Variants in VGF observed in about 807,000 individuals in gnomAD.
The protein encoded by VGF is VGF nerve growth factor inducible, also known as neurosecretory protein VGF.
Under a neutral mutation model 41.1 loss-of-function variants are expected in VGF, and 13 were observed. That is an observed-to-expected ratio of 0.32 (90% CI 0.21 to 0.50). The LOEUF (loss-of-function observed/expected upper bound fraction) is 0.50. Among genes scored for constraint, VGF ranks in the 20% least tolerant of loss-of-function variants. The probability of loss-of-function intolerance (pLI) is 0.98; values close to 1 mark genes in which losing one functional copy is unlikely to be tolerated. For missense variants in VGF, 920 were observed against 882.1 expected (o/e 1.04, Z -0.54); for synonymous variants, 473 against 418.3 (o/e 1.13, Z -1.60).
rs1299789513 is a variant in VGF at position 101,165,514 on chromosome 7, G to A, written c.-161C>T. 5.1e-6 allele frequency: 5 copies of A among 985,362 alleles called. No individual in the cohort carries two copies. The highest frequency in any genetic ancestry group is 6.0e-6 in the Non-Finnish European group (5 of 829,976). 61.0% of individuals were successfully genotyped at this position (985,362 alleles called of 1,614,324 possible). On this transcript the variant is annotated 5_prime_UTR_variant, in exon 1 of 2. Coordinates refer to ENST00000249330, the MANE Select transcript of VGF (RefSeq NM_003378.4). ...CGAGGTCTGGCGTCCCGTGGGCTGG[G>A]CTCAGCTGGGTCGGCGCGGCTCCGG...
Position 101,164,331 on chromosome 7 carries a change from T to C in VGF, c.513A>G (p.Pro171=), listed in dbSNP as rs1197542043. The C allele has an allele frequency of 6.2e-7, 1 of 1,611,538 alleles. No homozygotes were observed. The highest frequency in any genetic ancestry group is 2.2e-5 in the East Asian group (1 of 44,878). ...SLLQELRDFS[P]SSAKRQQETA... is the part of the protein sequence containing the mutation. ...TCTCCTGCTGGCGCTTGGCGCTACT[T>C]GGACTGAAATCTCGCAGTTCCTGGA... is the stretch of plus-strand genomic sequence containing the variant. Residue 171 remains proline (P), a synonymous_variant, in exon 2 of 2, where the codon CCA becomes CCG. Coordinates refer to ENST00000249330, the MANE Select transcript of VGF (RefSeq NM_003378.4).
chr7:101,169,244 G>A (rs1797268244), upstream of VGF, among the ~76,000 whole-genome samples: 1 of 152,056 alleles, frequency 6.6e-6, no homozygotes, highest in Non-Finnish European at 1.5e-5. Context: ...GAAAGAGAGA[G>A]AGAAAGAGAC....
upstream of VGF, among the ~76,000 whole-genome samples, chr7:101,166,346 GTGTC>G (rs1797218351): frequency 6.6e-6 from 1 of 152,216 alleles, no homozygotes; most frequent in Admixed American, 6.5e-5. Flanking sequence ...AGAAAAAGGT[GTGTC>G]TGTCCTTCTG....
chr7:101,163,877 G>T lies in VGF; in HGVS notation c.967C>A (p.Arg323=). The stretch of plus-strand genomic sequence containing the variant: ...AGGTCCGAGGCGAGGTCGGCCAGCC[G>T]CTCTTCCTGCGCCGCGGCCTGCCGC... ...ATRQAAAQEE[R]LADLASDLLL... The change falls in exon 2 of 2, where the codon CGG becomes AGG. Residue 323 remains arginine, a synonymous_variant. Transcript: ENST00000249330. This position sits in a 1 kb window ranked among gnomAD's most constrained non-coding sequence, Gnocchi z 5.0. 7.4e-6 allele frequency: 11 copies of T among 1,493,914 alleles called. No homozygotes were observed. The highest frequency in any genetic ancestry group is 8.8e-6 in the Non-Finnish European group (10 of 1,130,072). 92.5% of individuals were successfully genotyped at this position (1,493,914 alleles called of 1,614,324 possible).
Position 101,164,239 on chromosome 7 carries a change from G to C in VGF, c.605C>G (p.Pro202Arg), listed in dbSNP as rs747095545. 4 of 1,586,654 alleles carry C rather than the reference G, an allele frequency of 2.5e-6. No individual in the cohort carries two copies. Among genetic ancestry groups the C allele is most frequent in the Non-Finnish European group, 2.6e-6 (3 of 1,169,484 alleles). Reference sequence around the variant, plus strand: ...CCAGGAAGCGCGCCATACGCGCTCTGGCCCCGGGCTCTCCAGATTCACTCG... The same window carrying C: ...CCAGGAAGCGCGCCATACGCGCTCTCGCCCCGGGCTCTCCAGATTCACTCG... ...LTRVNLESPGPERVWRASWGE... is the reference protein window; with the variant it reads ...LTRVNLESPGRERVWRASWGE... The change falls in exon 2 of 2, where the codon CCA becomes CGA. Residue 202 changes from proline (P) to arginine (R), a missense_variant. Coordinates refer to ENST00000249330, the MANE Select transcript of VGF (RefSeq NM_003378.4).
At chr7:101,169,396 G>A (rs559292875), upstream of VGF, among the ~76,000 whole-genome samples, 1 of 152,022 alleles carries the variant, frequency 6.6e-6, no homozygotes, top group South Asian at 2.1e-4. Flanking sequence ...CTGTCATCCT[G>A]AACCAGCCTC....
chr7:101,169,005 T>A (rs1005512300), upstream of VGF, among the ~76,000 whole-genome samples: 5 of 151,556 alleles, frequency 3.3e-5, no homozygotes, highest in South Asian at 1.0e-3. Flanking sequence ...TAGAACACAC[T>A]CTTGCCCTAT....
chr7:101,163,122 G>A lies in VGF; in HGVS notation c.1722C>T (p.Arg574=), dbSNP rs750273748. The A allele has an allele frequency of 8.8e-6, 14 of 1,584,432 alleles. No homozygotes were observed. In the East Asian group the frequency reaches 1.2e-4, roughly 14 times the overall value. Residue 574 remains arginine (R), a synonymous_variant, in exon 2 of 2, where the codon CGC becomes CGT. Transcript: ENST00000249330. This position sits in a 1 kb window ranked among gnomAD's most constrained non-coding sequence, Gnocchi z 5.0. ...RHYHHALPPS[R]HYPGREAQAR... is the part of the protein sequence containing the mutation. ...CCTGGGCCTCCCGGCCGGGATAGTG[G>A]CGCGAAGGCGGCAAGGCGTGGTGGT...
upstream of VGF, among the ~76,000 whole-genome samples, chr7:101,167,161 T>G (rs1797234762): frequency 1.3e-5 from 2 of 152,060 alleles, no homozygotes; most frequent in Non-Finnish European, 2.9e-5. The surrounding 1 kb of genome is among the most constrained non-coding windows in gnomAD (Gnocchi z 4.2). Flanking sequence ...TTTCTCTCTA[T>G]AACCAGCAGT....
In VGF at chr7:101,164,059, A is replaced by C. The variant is rs550867024; in HGVS notation, c.785T>G (p.Leu262Trp). 1.5e-4 allele frequency: 223 copies of C among 1,498,404 alleles called. No individual in the cohort carries two copies. The highest frequency in any genetic ancestry group is 1.9e-4 in the Non-Finnish European group (218 of 1,132,136). 92.8% of individuals were successfully genotyped at this position (1,498,404 alleles called of 1,614,324 possible). A position where few individuals can be genotyped will look rare whatever the true frequency, so the allele number is the denominator to read the frequency against. ...SSPKTHLGEA[L>W]APLSKAYQGV... The stretch of plus-strand genomic sequence containing the variant: ...TTGGTACGCCTTGGACAGGGGTGCC[A>C]ATGCCTCGCCTAGGTGTGTTTTGGG... Residue 262 changes from leucine to tryptophan, a missense_variant, in exon 2 of 2, where the codon TTG (leucine) becomes TGG (tryptophan). Leu to Trp is a moderately conservative substitution (Grantham distance 61). Transcript: ENST00000249330.
chr7:101,162,884 A>G lies in VGF; in HGVS notation c.*112T>C. The G allele has an allele frequency of 1.4e-6, 1 of 724,390 alleles. No homozygotes were observed. The highest frequency in any genetic ancestry group is 1.5e-5 in the South Asian group (1 of 64,898). The allele number at this position is 724,390 out of a possible 1,614,324, so 44.9% of individuals were successfully genotyped here. A position where few individuals can be genotyped will look rare whatever the true frequency, so the allele number is the denominator to read the frequency against. ...GCAGCCCGGGGACAGGGGCAGGGCCAAGGGGCAGGGCCGGGGCGCATGCAA... is the reference window on the plus strand; with the variant it reads ...GCAGCCCGGGGACAGGGGCAGGGCCGAGGGGCAGGGCCGGGGCGCATGCAA... On this transcript the variant is annotated 3_prime_UTR_variant, in exon 2 of 2. Coordinates refer to ENST00000249330, the MANE Select transcript of VGF (RefSeq NM_003378.4). The surrounding 1 kb of genome is among the most constrained non-coding windows in gnomAD (Gnocchi z 4.2).
At position 101,162,876 on chromosome 7, in the gene VGF, G is replaced by A. The variant is rs1231403854; in HGVS notation, c.*120C>T. ...GTCCCGACGCAGCCCGGGGACAGGG[G>A]CAGGGCCAAGGGGCAGGGCCGGGGC... On this transcript the variant is annotated 3_prime_UTR_variant, in exon 2 of 2. Coordinates refer to ENST00000249330, the MANE Select transcript of VGF (RefSeq NM_003378.4). The surrounding 1 kb of genome is among the most constrained non-coding windows in gnomAD (Gnocchi z 4.2). 2.8e-6 allele frequency: 2 copies of A among 714,904 alleles called. No individual in the cohort carries two copies. The highest frequency in any genetic ancestry group is 1.8e-5 in the African/African-American group (1 of 55,130). 44.3% of individuals were successfully genotyped at this position (714,904 alleles called of 1,614,324 possible).
At position 101,164,147 on chromosome 7, in the gene VGF, C is replaced by T. The variant is rs1797172174; in HGVS notation, c.697G>A (p.Ala233Thr). The change falls in exon 2 of 2, where the codon GCG (alanine) becomes ACG (threonine). Residue 233 changes from alanine to threonine, a missense_variant. By Grantham distance (58) the Ala-to-Thr change is moderately conservative. This residue lies in a region of VGF where 654 missense variants were observed against 638.4 expected (regional missense o/e 1.02). Transcript: ENST00000249330. ...AGGGGCCCGCTGTCGGGCATACGCG[C>T]CTGGAATTGAGAGGGGGCCGGGGGC... ...LPPPAPSQFQ[A>T]RMPDSGPLPE... 1 of 1,505,314 alleles carries T rather than the reference C, an allele frequency of 6.6e-7. No individual in the cohort carries two copies. Among genetic ancestry groups the T allele is most frequent in the Non-Finnish European group, 8.8e-7 (1 of 1,135,016 alleles). The allele number at this position is 1,505,314 out of a possible 1,614,324, so 93.2% of individuals were successfully genotyped here. A position where few individuals can be genotyped will look rare whatever the true frequency, so the allele number is the denominator to read the frequency against.
rs1431771833 is a variant in VGF at position 101,162,925 on chromosome 7, GGGCAACACGGAGGGGGGCGCC to G, written c.*50_*70del. On this transcript the variant is annotated 3_prime_UTR_variant, in exon 2 of 2. Coordinates refer to ENST00000249330, the MANE Select transcript of VGF (RefSeq NM_003378.4). The surrounding 1 kb of genome is among the most constrained non-coding windows in gnomAD (Gnocchi z 4.2). Reference sequence around the variant, plus strand: ...GCGCATGCAAACACCGAGGGGGAGCGGGCAACACGGAGGGGGGCGCCGGCGCGCGCGCGCGGCGGGGGCGCG... The same window carrying G: ...GCGCATGCAAACACCGAGGGGGAGCGGGCGCGCGCGCGCGGCGGGGGCGCG... The G allele has an allele frequency of 9.6e-6, 7 of 730,256 alleles. No homozygotes were observed. The allele number at this position is 730,256 out of a possible 1,614,324, so 45.2% of individuals were successfully genotyped here. A position where few individuals can be genotyped will look rare whatever the true frequency, so the allele number is the denominator to read the frequency against.
Position 101,163,161 on chromosome 7 carries a change from C to A in VGF, c.1683G>T (p.Leu561Phe). 6.4e-7 allele frequency: 1 copy of A among 1,573,012 alleles called. No homozygotes were observed. The highest frequency in any genetic ancestry group is 1.2e-5 in the South Asian group (1 of 85,846). ...AGGCGTGGTGGTAGTGGCGGCGGCG[C>A]AAGGCCGAGGGCGGCTGCAGTGTCC... ...RPRTLQPPSA[L>F]RRRHYHHALP... The change falls in exon 2 of 2, where the codon TTG becomes TTT. Residue 561 changes from leucine (L) to phenylalanine (F), a missense_variant. Physicochemically the swap from Leu to Phe is conservative, Grantham distance 22. Around this residue, in one of 3 missense-constraint regions of VGF, gnomAD observed 257 missense variants for 217.2 expected, o/e 1.18. Coordinates refer to ENST00000249330, the MANE Select transcript of VGF (RefSeq NM_003378.4). The surrounding 1 kb of genome is among the most constrained non-coding windows in gnomAD (Gnocchi z 5.0).
Position 101,163,126 on chromosome 7 carries a change from G to A in VGF, c.1718C>T (p.Ser573Leu), listed in dbSNP as rs552158464. ...GGCCTCCCGGCCGGGATAGTGGCGC[G>A]AAGGCGGCAAGGCGTGGTGGTAGTG... Reference protein sequence around the residue: ...RRHYHHALPPSRHYPGREAQA... With the variant: ...RRHYHHALPPLRHYPGREAQA... The change falls in exon 2 of 2, where the codon TCG becomes TTG. Residue 573 changes from serine (S) to leucine (L), a missense_variant. Physicochemically the swap from Ser to Leu is moderately radical, Grantham distance 145. Coordinates refer to ENST00000249330, the MANE Select transcript of VGF (RefSeq NM_003378.4). The surrounding 1 kb of genome is among the most constrained non-coding windows in gnomAD (Gnocchi z 5.0). 2.1e-5 allele frequency: 33 copies of A among 1,584,436 alleles called. 1 individual carries two copies. The highest frequency in any genetic ancestry group is 1.4e-4 in the Admixed American group (8 of 56,814).
rs1464259151 is a variant in VGF, at chr7:101,164,827, A to C, written c.17T>G (p.Leu6Trp). ...AAGGCAGAAGAGGGCGGAAGCCGAC[A>C]ATCTGAGGGCTTTCATGACCAAGAG... is the stretch of plus-strand genomic sequence containing the variant. MKALR[L>W]SASALFCLLL... The change falls in exon 2 of 2, where the codon TTG (leucine) becomes TGG (tryptophan). Residue 6 changes from leucine to tryptophan, a missense_variant. This residue lies in a region of VGF where 654 missense variants were observed against 638.4 expected (regional missense o/e 1.02). Coordinates refer to ENST00000249330, the MANE Select transcript of VGF (RefSeq NM_003378.4). The C allele has an allele frequency of 1.3e-6, 2 of 1,558,498 alleles. No individual in the cohort carries two copies. Among genetic ancestry groups the C allele is most frequent in the East Asian group, 2.3e-5 (1 of 43,828 alleles).
chr7:101,168,010 TTTTTTTTTG>T (rs1251886249), upstream of VGF, among the ~76,000 whole-genome samples: 69 of 96,984 alleles, frequency 7.1e-4, no homozygotes, highest in South Asian at 8.0e-3. Flanking sequence ...TGCTGGGTTG[TTTTTTTTTG>T]TTTTTTTTTT....
At position 101,164,611 on chromosome 7, in the gene VGF, T is replaced by G; in HGVS notation, c.233A>C (p.Asp78Ala). 6.3e-7 allele frequency: 1 copy of G among 1,599,114 alleles called. No homozygotes were observed. The change falls in exon 2 of 2, where the codon GAT becomes GCT. Residue 78 changes from aspartate to alanine, a missense_variant. Asp to Ala is a moderately radical substitution (Grantham distance 126, BLOSUM62 -2). Coordinates refer to ENST00000249330, the MANE Select transcript of VGF (RefSeq NM_003378.4). The part of the protein sequence containing the change: ...QDEGELFQGV[D>A]PRALAAVLLQ... ...CAGCACCGCGGCCAGCGCCCGGGGA[T>G]CCACGCCCTGGAAAAGCTCTCCCTC...
Sources: gnomAD v4.1 joint callset for allele counts (sites outside exome capture counted in the v4.1 genomes callset) on GRCh38, gnomAD v4.1.1 for gene constraint, gnomAD v4.1.1 regional missense constraint, Gnocchi (gnomAD v3.1) non-coding constraint, MANE v1.5 for transcripts, NCBI Gene and HGNC (gene_info 2026-07-23, HGNC 2026-07-21) for gene names.